The following ELP3 variants were observed in gnomAD, a reference collection of about 807,000 sequenced individuals.
ELP3 encodes elongator complex protein 3.
ELP3 carries 56 observed loss-of-function variants against 74.9 expected under a neutral mutation model. That is an observed-to-expected ratio of 0.75 (90% CI 0.60 to 0.93). The LOEUF (loss-of-function observed/expected upper bound fraction) is 0.93. Ranked by LOEUF, ELP3 falls within the 40% of genes least tolerant of loss-of-function variation. ELP3 has a pLI of 0.00. For missense variants in ELP3, 573 were observed against 686.5 expected (o/e 0.83, Z 1.85); for synonymous variants, 222 against 239.8 (o/e 0.93, Z 0.68).
chr8:28,163,320 T>G (rs1289611123), intron 14 of ELP3, among the ~76,000 whole-genome samples: 1 of 152,176 alleles, frequency 6.6e-6, no homozygotes, highest in Non-Finnish European at 1.5e-5. Flanking sequence ...AAAGCTAAAA[T>G]ACGCCTTCTG....
chr8:28,096,635 C>T (rs1005002122), intron 1 of ELP3, among the ~76,000 whole-genome samples: 2 of 152,138 alleles, frequency 1.3e-5, no homozygotes, highest in African/African-American at 4.8e-5. Flanking sequence ...TGGATGAGAC[C>T]GAGAGCCCCA....
intron 12 of ELP3, among the ~76,000 whole-genome samples, chr8:28,159,421 T>A (rs1363343913): frequency 6.6e-6 from 1 of 152,214 alleles, no homozygotes; most frequent in Admixed American, 6.5e-5. Context: ...TTAGCAAACA[T>A]TGTTGAGAAG....
intron 11 of ELP3, among the ~76,000 whole-genome samples, chr8:28,158,251 T>A (rs1375054649): frequency 3.0e-4 from 46 of 152,198 alleles, no homozygotes. Flanking sequence ...ACCTGTTTCT[T>A]ACTTTTATGA....
At chr8:28,091,080 G>A (rs982247377), upstream of ELP3, among the ~76,000 whole-genome samples, 40 of 151,788 alleles carry the variant, frequency 2.6e-4, no homozygotes, top group African/African-American at 9.4e-4. Context: ...CTAATTTTTT[G>A]TATTTTTAGT....
rs78313841 is a variant in ELP3 at position 28,097,108 on chromosome 8, A to G, written c.20-111A>G. ...ATTTAGCATCTTCTGAACTTGAGCT[A>G]TTCATTTGGCATATTTGTATGGTTT... is the stretch of plus-strand genomic sequence containing the variant. On this transcript the variant is annotated intron_variant, in intron 1 of 14. Coordinates refer to ENST00000256398, the MANE Select transcript of ELP3 (RefSeq NM_018091.6). 2,100 of 650,776 alleles carry G rather than the reference A, an allele frequency of 3.2e-3. 34 individuals carry two copies. In the African/African-American group the frequency reaches 0.034, roughly 10 times the overall value. The allele number at this position is 650,776 out of a possible 1,614,324, so 40.3% of individuals were successfully genotyped here.
At position 28,137,831 on chromosome 8, in the gene ELP3, A is replaced by G; in HGVS notation, c.1040A>G (p.Glu347Gly). Residue 347 changes from glutamate to glycine, a missense_variant, in exon 10 of 15, where the codon GAA (glutamate) becomes GGA (glycine). Glu to Gly is a moderately conservative substitution (Grantham distance 98). Coordinates refer to ENST00000256398, the MANE Select transcript of ELP3 (RefSeq NM_018091.6). ...AGTTACTCTCCTAGTGACCTGGTTG[A>G]ATTGGTGGCTCGGATCCTAGCCCTC... The part of the protein sequence containing the change: ...YKSYSPSDLV[E>G]LVARILALVP... 6.2e-7 allele frequency: 1 copy of G among 1,614,010 alleles called. No homozygotes were observed. Among genetic ancestry groups the G allele is most frequent in the Non-Finnish European group, 8.5e-7 (1 of 1,179,966 alleles).
At chr8:28,094,760 A>G (rs1473560183) in intron 1 of ELP3, among the ~76,000 whole-genome samples, 5 of 152,050 alleles carry the variant, frequency 3.3e-5, no homozygotes, top group African/African-American at 1.2e-4. Context: ...AAAGAAAAAG[A>G]AAAAAAATTG....
Position 28,160,434 on chromosome 8 carries a change from A to T in ELP3, c.1463A>T (p.Asp488Val). The T allele has an allele frequency of 6.2e-7, 1 of 1,613,812 alleles. No homozygotes were observed. The highest frequency in any genetic ancestry group is 8.5e-7 in the Non-Finnish European group (1 of 1,179,896). The part of the protein sequence containing the change: ...YGSVVPVSSR[D>V]PTKFQHQGFG... ...AGTGTGGTCCCTGTGAGCAGCCGGG[A>T]TCCTACTAAATTTCAGCATCAGGTA... Residue 488 changes from aspartate to valine, a missense_variant, in exon 13 of 15, where the codon GAT becomes GTT. By Grantham distance (152) the Asp-to-Val change is radical. Coordinates refer to ENST00000256398, the MANE Select transcript of ELP3 (RefSeq NM_018091.6).
intron 14 of ELP3, among the ~76,000 whole-genome samples, chr8:28,186,097 A>G (rs1211532786): frequency 6.6e-6 from 1 of 152,168 alleles, no homozygotes; most frequent in Non-Finnish European, 1.5e-5. Flanking sequence ...CAAATATTAC[A>G]TGATTCCACT....
At chr8:28,163,476 A>G (rs1814182736) in intron 14 of ELP3, among the ~76,000 whole-genome samples, 1 of 151,064 alleles carries the variant, frequency 6.6e-6, no homozygotes. Context: ...ACTTATAATC[A>G]TTTAGTGTGG....
At chr8:28,180,407 T>G (rs1371419933) in intron 14 of ELP3, among the ~76,000 whole-genome samples, 1 of 152,266 alleles carries the variant, frequency 6.6e-6, no homozygotes, top group African/African-American at 2.4e-5. Context: ...CATCCATTGA[T>G]GCATTGGTCC....
At chr8:28,165,285 G>T (rs924330358) in intron 14 of ELP3, among the ~76,000 whole-genome samples, 2 of 152,102 alleles carry the variant, frequency 1.3e-5, no homozygotes, top group Non-Finnish European at 2.9e-5. Flanking sequence ...GACCTTTTCT[G>T]TGCCATATTA....
chr8:28,108,487 T>A (rs1811787051), intron 5 of ELP3, among the ~76,000 whole-genome samples: 2 of 139,284 alleles, frequency 1.4e-5, no homozygotes, highest in South Asian at 4.5e-4. Flanking sequence ...AGATGGAGTC[T>A]CACTCTGTTA....
chr8:28,158,672 CT>C, intron 12 of ELP3, 39 bp downstream of exon 12: 1 of 1,547,448 alleles, frequency 6.5e-7, no homozygotes, highest in Non-Finnish European at 8.9e-7. Context: ...AGGTACTGTC[CT>C]TAGATCTTTG....
Position 28,110,414 on chromosome 8 carries a change from A to G in ELP3, c.438A>G (p.Leu146=), listed in dbSNP as rs774983924. ...TCCGTGCCAGATATGACCCTTTCCT[A>G]CAGACAAGACACCGAATAGAACAGG... ...RAIRARYDPF[L]QTRHRIEQLK... Residue 146 remains leucine, a synonymous_variant, in exon 6 of 15, where the codon CTA becomes CTG. Transcript: ENST00000256398. The G allele has an allele frequency of 6.2e-7, 1 of 1,613,848 alleles. No individual in the cohort carries two copies. The highest frequency in any genetic ancestry group is 1.1e-5 in the South Asian group (1 of 91,008).
At chr8:28,157,521 T>C (rs925520965) in intron 11 of ELP3, among the ~76,000 whole-genome samples, 1 of 152,166 alleles carries the variant, frequency 6.6e-6, no homozygotes, top group Admixed American at 6.5e-5. Context: ...GTTCCTGGGG[T>C]GTGGAAGTAG....
At chr8:28,156,705 G>T (rs1813842286) in intron 11 of ELP3, among the ~76,000 whole-genome samples, 1 of 152,184 alleles carries the variant, frequency 6.6e-6, no homozygotes, top group South Asian at 2.1e-4. Flanking sequence ...AGTAGATTGG[G>T]ATGGGACCTA....
chr8:28,188,977 G>T (rs1442344242), intron 14 of ELP3, among the ~76,000 whole-genome samples: 2 of 152,200 alleles, frequency 1.3e-5, no homozygotes, highest in Non-Finnish European at 2.9e-5. Flanking sequence ...AGAACACCCA[G>T]TTGGTGTCAA....
intron 10 of ELP3, among the ~76,000 whole-genome samples, chr8:28,138,449 A>C (rs895182719): frequency 6.6e-6 from 1 of 152,248 alleles, no homozygotes; most frequent in Non-Finnish European, 1.5e-5. Flanking sequence ...ATACTTACAT[A>C]CATACATACA....
Sources: gnomAD v4.1 joint callset for allele counts (sites outside exome capture counted in the v4.1 genomes callset) on GRCh38, gnomAD v4.1.1 for gene constraint, MANE v1.5 for transcripts, NCBI Gene and HGNC (gene_info 2026-07-23, HGNC 2026-07-21) for gene names.